Variants in IPO9 observed in about 807,000 individuals in gnomAD.
IPO9 encodes importin 9.
A neutral mutation model predicts 128.6 loss-of-function variants in IPO9; 28 were observed. The observed-to-expected ratio is 0.22, with a 90% CI of 0.16 to 0.30. IPO9 has a LOEUF of 0.30. Among genes scored for constraint, IPO9 ranks in the 10% least tolerant of loss-of-function variants. IPO9 has a pLI of 1.00. For synonymous variants in IPO9, 455 were observed against 475.8 expected, an observed-to-expected ratio of 0.96 and a Z score of 0.57; for missense variants, 935 against 1,293.9, an observed-to-expected ratio of 0.72 and a Z score of 4.26.
At position 201,868,341 on chromosome 1, in the gene IPO9, C is replaced by T. The variant is rs78686714; in HGVS notation, c.1856-307C>T. The stretch of plus-strand genomic sequence containing the variant: ...TTTTTTTAAGCATTTGGTTTTATAA[C>T]GTAGGTTTCACAAGAATAAAGACTT... On this transcript the variant is annotated intron_variant, in intron 15 of 23. Coordinates refer to ENST00000361565, the MANE Select transcript of IPO9 (RefSeq NM_018085.5). 6.8e-4 allele frequency among the ~76,000 whole-genome samples: 100 copies of T among 146,770 alleles called. 1 individual carries two copies. The East Asian group carries it at 0.019, about 28-fold the overall frequency.
chr1:201,842,889 T>C (rs1298453816), intron 1 of IPO9, among the ~76,000 whole-genome samples: 4 of 152,236 alleles, frequency 2.6e-5, no homozygotes, highest in Non-Finnish European at 4.4e-5. Flanking sequence ...GAGTTTGATA[T>C]AATTGAGCTA....
At chr1:201,845,866 A>G (rs12562614) in intron 1 of IPO9, among the ~76,000 whole-genome samples, 45,647 of 152,124 alleles carry the variant, frequency 0.3, 7,556 homozygotes, top group East Asian at 0.41. Flanking sequence ...ATTATGATGC[A>G]CTGTTGGTTT....
intron 1 of IPO9, among the ~76,000 whole-genome samples, chr1:201,834,159 AT>A (rs869095355): frequency 2.7e-5 from 4 of 149,226 alleles, no homozygotes; most frequent in Admixed American, 6.7e-5. Flanking sequence ...GGTAAAAAAA[AT>A]TTTTTTTAAG....
chr1:201,857,041 G>A, intron 10 of IPO9, 55 bp from the exon 11 acceptor site: 1 of 1,091,296 alleles, frequency 9.2e-7, no homozygotes, highest in Non-Finnish European at 1.4e-6. Flanking sequence ...ATCTGTTGAT[G>A]AAAAGCTATG....
rs1477360137 is a variant in IPO9, at chr1:201,868,639, C to G, written c.1856-9C>G. The G allele has an allele frequency of 1.2e-6, 2 of 1,611,692 alleles. No homozygotes were observed. Among genetic ancestry groups the G allele is most frequent in the Non-Finnish European group, 8.5e-7 (1 of 1,178,666 alleles). The stretch of plus-strand genomic sequence containing the variant: ...GCAGGGGGATTCCGTGTTGCCTTAT[C>G]CACTTCAGATCCCGTCGTCGCCTCA... On this transcript the variant is annotated splice_polypyrimidine_tract_variant and intron_variant, in intron 15 of 23. Transcript: ENST00000361565.
intron 13 of IPO9, among the ~76,000 whole-genome samples, chr1:201,860,075 A>G (rs1352255475): frequency 4.6e-5 from 7 of 152,280 alleles, no homozygotes; most frequent in Admixed American, 1.3e-4. Flanking sequence ...CTGCCATGCC[A>G]TGCCTTTTCT....
In IPO9 at chr1:201,868,713, G is replaced by T; in HGVS notation, c.1921G>T (p.Gly641Cys). The T allele has an allele frequency of 6.2e-7, 1 of 1,613,994 alleles. No homozygotes were observed. The highest frequency in any genetic ancestry group is 8.5e-7 in the Non-Finnish European group (1 of 1,179,960). The change falls in exon 16 of 24, where the codon GGC becomes TGC. Residue 641 changes from glycine to cysteine, a missense_variant. By Grantham distance (159) the Gly-to-Cys change is radical. Transcript: ENST00000361565. Reference protein sequence around the residue: ...KELSQIEACQGPMQMRLIPTL... With the variant: ...KELSQIEACQCPMQMRLIPTL... Reference sequence around the variant, plus strand: ...GCTGTCCCAGATTGAAGCCTGTCAGGGCCCAATGCAAATGAGGCTGATTCC... The same window carrying T: ...GCTGTCCCAGATTGAAGCCTGTCAGTGCCCAATGCAAATGAGGCTGATTCC...
At position 201,881,749 on chromosome 1, in the gene IPO9, C is replaced by G. The variant is rs1199854121; in HGVS notation, c.*5695C>G. 6.6e-6 allele frequency: 1 copy of G among 152,132 alleles called. No individual in the cohort carries two copies. Among genetic ancestry groups the G allele is most frequent in the Non-Finnish European group, 1.5e-5 (1 of 68,060 alleles). The allele number at this position is 152,132 out of a possible 1,614,324, so 9.4% of individuals were successfully genotyped here. A position where few individuals can be genotyped will look rare whatever the true frequency, so the allele number is the denominator to read the frequency against. On this transcript the variant is annotated 3_prime_UTR_variant, in exon 24 of 24. Transcript: ENST00000361565. The stretch of plus-strand genomic sequence containing the variant: ...ATGTGACTAGAAGGGTGACTTGGAA[C>G]CTGGATTGAAGGGGTGGGAGATGGG...
At chr1:201,873,010 A>G (rs1680686742) in intron 20 of IPO9, 49 bp downstream of exon 20, 3 of 1,556,976 alleles carry the variant, frequency 1.9e-6, no homozygotes, top group South Asian at 1.2e-5. Context: ...CGAAGGGGCT[A>G]AGGATACCTG....
intron 15 of IPO9, 59 bp from the exon 16 acceptor site, chr1:201,868,589 G>A (rs1571554749): frequency 1.9e-6 from 3 of 1,554,256 alleles, no homozygotes; most frequent in Non-Finnish European, 2.6e-6. Context: ...GCATCATTAA[G>A]CGAGAAGCAG....
At chr1:201,854,496 A>C in intron 6 of IPO9, 99 bp from the exon 7 acceptor site, 2 of 1,452,028 alleles carry the variant, frequency 1.4e-6, no homozygotes, top group Non-Finnish European at 1.9e-6. Flanking sequence ...GAGCCTGAAG[A>C]GAGCTTTAGG....
chr1:201,878,156 G>T lies in IPO9; in HGVS notation c.*2102G>T, dbSNP rs562687903. The T allele has an allele frequency of 6.6e-6, 1 of 152,404 alleles. No individual in the cohort carries two copies. The highest frequency in any genetic ancestry group is 2.1e-4 in the South Asian group (1 of 4,826). 9.4% of individuals were successfully genotyped at this position (152,404 alleles called of 1,614,324 possible). A position where few individuals can be genotyped will look rare whatever the true frequency, so the allele number is the denominator to read the frequency against. On this transcript the variant is annotated 3_prime_UTR_variant, in exon 24 of 24. Transcript: ENST00000361565. ...AGCCAGGTTCTGAGGCTAACTGCTTGTGCCCCTGCTGCTTCACATGGCATT... is the reference window on the plus strand; with the variant it reads ...AGCCAGGTTCTGAGGCTAACTGCTTTTGCCCCTGCTGCTTCACATGGCATT...
intron 1 of IPO9, among the ~76,000 whole-genome samples, chr1:201,846,296 T>C (rs1264901635): frequency 6.6e-6 from 1 of 152,252 alleles, no homozygotes; most frequent in Non-Finnish European, 1.5e-5. Context: ...GGCATATATC[T>C]GGACAACTCG....
At chr1:201,843,289 C>A (rs1196977281) in intron 1 of IPO9, among the ~76,000 whole-genome samples, 1 of 152,112 alleles carries the variant, frequency 6.6e-6, no homozygotes, top group Non-Finnish European at 1.5e-5. Flanking sequence ...ACCTAAGTTA[C>A]AATACGTAGT....
At chr1:201,871,376 C>CTTTTTTTTTTTTTTTTTTTTTTTT (rs556986429) in intron 19 of IPO9, 49 bp downstream of exon 19, 1 of 140,406 alleles carries the variant, frequency 7.1e-6, no homozygotes, top group African/African-American at 6.7e-5. Context: ...ACTCATATTT[C>CTTTTTTTTTTTTTTTTTTTTTTTT]TTTTTTTTTT....
intron 19 of IPO9, among the ~76,000 whole-genome samples, chr1:201,871,656 G>GT (rs1171099803): frequency 6.6e-6 from 1 of 152,056 alleles, no homozygotes; most frequent in Non-Finnish European, 1.5e-5. Context: ...GCCTCCCACA[G>GT]TGCTGGGATT....
intron 23 of IPO9, among the ~76,000 whole-genome samples, chr1:201,875,530 C>T (rs531026960): frequency 2.6e-5 from 4 of 151,030 alleles, no homozygotes; most frequent in Admixed American, 6.6e-5. Flanking sequence ...GTCAAGGCTG[C>T]AGTGAGCTGT....
chr1:201,872,588 A>C (rs1190885315), intron 19 of IPO9, among the ~76,000 whole-genome samples: 3 of 151,446 alleles, frequency 2.0e-5, no homozygotes, highest in Non-Finnish European at 2.9e-5. Flanking sequence ...TGGGTGACAG[A>C]ATGAGACCCT....
At chr1:201,869,507 T>C in intron 16 of IPO9, 83 bp from the exon 17 acceptor site, 1 of 1,531,518 alleles carries the variant, frequency 6.5e-7, no homozygotes, top group Non-Finnish European at 8.9e-7. Flanking sequence ...TGCTATGTAA[T>C]ACCCATCCAG....
Sources: gnomAD v4.1 joint callset for allele counts (sites outside exome capture counted in the v4.1 genomes callset) on GRCh38, gnomAD v4.1.1 for gene constraint, MANE v1.5 for transcripts, NCBI Gene and HGNC (gene_info 2026-07-23, HGNC 2026-07-21) for gene names.